SPOCK3: variants seen among roughly 807,000 people sequenced by gnomAD.
SPOCK3 encodes the protein testican-3.
In SPOCK3, 30 loss-of-function variants were observed where a neutral mutation model predicts 56.6. That is an observed-to-expected ratio of 0.53 (90% CI 0.40 to 0.72). The LOEUF (loss-of-function observed/expected upper bound fraction) is 0.72, where lower values mean the gene tolerates loss of function less well. SPOCK3 is among the 30% of genes least tolerant of loss of function. SPOCK3 has a pLI of 0.00. For missense variants in SPOCK3, 527 were observed against 530.0 expected (o/e 0.99, Z 0.06); for synonymous variants, 196 against 183.3 (o/e 1.07, Z -0.56).
At chr4:166,754,823 A>C (rs1736862538) in intron 7 of SPOCK3, 94 bp from the exon 8 acceptor site, 1 of 1,086,234 alleles carries the variant, frequency 9.2e-7, no homozygotes, top group Non-Finnish European at 1.4e-6. Context: ...CTAGTGTAGG[A>C]CATCTAATGA....
At chr4:166,927,287 G>T (rs968208991) in intron 4 of SPOCK3, among the ~76,000 whole-genome samples, 2 of 152,154 alleles carry the variant, frequency 1.3e-5, no homozygotes, top group African/African-American at 4.8e-5. Flanking sequence ...AGGGATAATT[G>T]AATCATTGGG....
intron 4 of SPOCK3, among the ~76,000 whole-genome samples, chr4:166,979,491 C>A (rs1746346274): frequency 6.6e-6 from 1 of 152,184 alleles, no homozygotes; most frequent in Non-Finnish European, 1.5e-5. Flanking sequence ...ATCTGTTTTG[C>A]TCTGAATACC....
At chr4:167,176,002 G>C (rs1269290407) in intron 2 of SPOCK3, among the ~76,000 whole-genome samples, 2 of 152,092 alleles carry the variant, frequency 1.3e-5, no homozygotes, top group East Asian at 3.9e-4. Flanking sequence ...TAAAATCAAG[G>C]TGTAATCAGG....
intron 3 of SPOCK3, among the ~76,000 whole-genome samples, chr4:167,022,601 C>T (rs942382694): frequency 2.0e-5 from 3 of 152,018 alleles, no homozygotes; most frequent in Non-Finnish European, 4.4e-5. Flanking sequence ...ATTGAAAGTA[C>T]AGCCCAAGTT....
Position 166,738,234 on chromosome 4 carries a change from GTGTT to G in SPOCK3, c.995-634_995-631del, listed in dbSNP as rs1734421073. The stretch of plus-strand genomic sequence containing the variant: ...TACTTCTTCCATTCTCTGTGTGTGT[GTGTT>G]TGTGTGTGTGTGTGTGTTGACTGTC... On this transcript the variant is annotated intron_variant, in intron 9 of 10. Coordinates refer to ENST00000357545, the MANE Select transcript of SPOCK3 (RefSeq NM_001040159.2). 2.0e-5 allele frequency among the ~76,000 whole-genome samples: 3 copies of G among 151,528 alleles called. No individual in the cohort carries two copies. The South Asian group carries it at 6.2e-4, about 31-fold the overall frequency.
chr4:167,164,752 C>T (rs1161185852), intron 2 of SPOCK3, among the ~76,000 whole-genome samples: 5 of 152,098 alleles, frequency 3.3e-5, no homozygotes, highest in African/African-American at 1.2e-4. Flanking sequence ...CATCCATGTT[C>T]TTTCAAGGTC....
intron 4 of SPOCK3, among the ~76,000 whole-genome samples, chr4:166,949,457 C>G (rs1401232776): frequency 6.6e-6 from 1 of 151,982 alleles, no homozygotes; most frequent in Non-Finnish European, 1.5e-5. Context: ...TGTTTTTTCC[C>G]CATCTTTGTG....
At chr4:166,844,904 T>C (rs1218679968) in intron 6 of SPOCK3, among the ~76,000 whole-genome samples, 2 of 152,196 alleles carry the variant, frequency 1.3e-5, no homozygotes, top group Non-Finnish European at 2.9e-5. Context: ...CTGAAATAGC[T>C]CTCTGCTTAG....
chr4:167,207,342 T>C (rs1472161882), intron 2 of SPOCK3, among the ~76,000 whole-genome samples: 3 of 152,028 alleles, frequency 2.0e-5, no homozygotes, highest in Non-Finnish European at 4.4e-5. Flanking sequence ...CCTACCATTA[T>C]GACTTTAGAA....
intron 2 of SPOCK3, among the ~76,000 whole-genome samples, chr4:167,098,468 C>A (rs917907218): frequency 2.0e-5 from 3 of 151,976 alleles, no homozygotes; most frequent in South Asian, 4.2e-4. Context: ...ATCTCTCCAT[C>A]TAATCTATCT....
At chr4:167,183,607 A>G (rs1731687837) in intron 2 of SPOCK3, among the ~76,000 whole-genome samples, 1 of 152,216 alleles carries the variant, frequency 6.6e-6, no homozygotes, top group Non-Finnish European at 1.5e-5. Flanking sequence ...AAGCCTTGTG[A>G]TATTCATTGA....
chr4:167,151,660 C>G (rs756864533), intron 2 of SPOCK3, among the ~76,000 whole-genome samples: 1 of 152,050 alleles, frequency 6.6e-6, no homozygotes, highest in Non-Finnish European at 1.5e-5. Context: ...TGGTCTCGAT[C>G]TCCTGACCTC....
At chr4:166,737,354 TAC>T (rs749163280) in intron 10 of SPOCK3, 111 bp downstream of exon 10, 3 of 1,153,560 alleles carry the variant, frequency 2.6e-6, no homozygotes, top group South Asian at 1.7e-5. Flanking sequence ...CTAGATATTC[TAC>T]AGTCTTTGCA....
chr4:167,217,854 T>C (rs1327932723), intron 2 of SPOCK3, among the ~76,000 whole-genome samples: 1 of 151,678 alleles, frequency 6.6e-6, no homozygotes, highest in Non-Finnish European at 1.5e-5. Flanking sequence ...CTATAAAAAT[T>C]ACTATGGATT....
chr4:167,167,534 C>A (rs993513409), intron 2 of SPOCK3, among the ~76,000 whole-genome samples: 1 of 152,092 alleles, frequency 6.6e-6, no homozygotes, highest in African/African-American at 2.4e-5. Flanking sequence ...GTATTTCTCA[C>A]TATTATGAAG....
intron 2 of SPOCK3, among the ~76,000 whole-genome samples, chr4:167,125,227 ATTTT>A (rs869191513): frequency 7.0e-5 from 10 of 143,066 alleles, no homozygotes; most frequent in African/African-American, 2.3e-4. Context: ...TTATTTATTT[ATTTT>A]TATTTATTTT....
At chr4:167,175,113 A>T (rs1378903941) in intron 2 of SPOCK3, among the ~76,000 whole-genome samples, 1 of 152,144 alleles carries the variant, frequency 6.6e-6, no homozygotes, top group Non-Finnish European at 1.5e-5. Context: ...TGGGGACCTC[A>T]TGGGAAAACA....
At chr4:166,764,740 T>A (rs1737745472) in intron 7 of SPOCK3, among the ~76,000 whole-genome samples, 1 of 152,144 alleles carries the variant, frequency 6.6e-6, no homozygotes, top group Admixed American at 6.6e-5. Context: ...GTATTTCTAG[T>A]TCTATGTCTT....
At chr4:166,795,138 T>A (rs964269169) in intron 6 of SPOCK3, among the ~76,000 whole-genome samples, 1 of 152,164 alleles carries the variant, frequency 6.6e-6, no homozygotes, top group African/African-American at 2.4e-5. Flanking sequence ...ACTCAAACAC[T>A]GGAGTATCAG....
Sources: allele counts gnomAD v4.1 joint callset (sites outside exome capture counted in the v4.1 genomes callset), GRCh38; gene constraint gnomAD v4.1.1; transcripts MANE v1.5; gene names NCBI Gene and HGNC (gene_info 2026-07-23, HGNC 2026-07-21).